The following PDE4B variants were observed in gnomAD, a reference collection of about 807,000 sequenced individuals.
PDE4B encodes phosphodiesterase 4B, also known as 3',5'-cyclic-AMP phosphodiesterase 4B.
In PDE4B, 20 loss-of-function variants were observed where a neutral mutation model predicts 82.2. The observed-to-expected ratio is 0.24, with a 90% CI of 0.17 to 0.35. PDE4B has a LOEUF of 0.35. PDE4B is among the 10% of genes least tolerant of loss of function. PDE4B has a pLI of 1.00. For missense variants in PDE4B, 655 were observed against 907.2 expected, an observed-to-expected ratio of 0.72 and a Z score of 3.57; for synonymous variants, 320 against 318.9, an observed-to-expected ratio of 1.00 and a Z score of -0.04.
At chr1:66,364,306 T>C (rs978280600) in intron 12 of PDE4B, among the ~76,000 whole-genome samples, 1 of 152,308 alleles carries the variant, frequency 6.6e-6, no homozygotes, top group Admixed American at 6.5e-5. Context: ...ACTAAAAATC[T>C]AGAACAGAAG....
chr1:66,066,802 T>C (rs1180947100), intron 3 of PDE4B, among the ~76,000 whole-genome samples: 1 of 151,992 alleles, frequency 6.6e-6, no homozygotes, highest in African/African-American at 2.4e-5. Flanking sequence ...GGTTTAAATA[T>C]GAATCTTGGC....
At chr1:65,818,672 T>TCACACA (rs529094917) in intron 1 of PDE4B, among the ~76,000 whole-genome samples, 1 of 86,878 alleles carries the variant, frequency 1.2e-5, no homozygotes, top group African/African-American at 3.7e-5. Context: ...ACATATATAT[T>TCACACA]CACACACACA....
At chr1:66,060,955 A>G (rs1655554658) in intron 3 of PDE4B, among the ~76,000 whole-genome samples, 1 of 151,938 alleles carries the variant, frequency 6.6e-6, no homozygotes, top group Non-Finnish European at 1.5e-5. Flanking sequence ...ATATAAGAAA[A>G]TGATTAGAAT....
intron 7 of PDE4B, among the ~76,000 whole-genome samples, chr1:66,283,042 C>T (rs971749030): frequency 1.3e-5 from 2 of 152,128 alleles, no homozygotes; most frequent in Non-Finnish European, 2.9e-5. Context: ...AGCAAACATT[C>T]ATTGAGTGCT....
intron 3 of PDE4B, among the ~76,000 whole-genome samples, chr1:66,021,662 T>C (rs551334574): frequency 8.0e-4 from 122 of 152,342 alleles, no homozygotes; most frequent in African/African-American, 2.8e-3. Context: ...TTCTGTTCCA[T>C]TGATCTATAT....
chr1:65,822,263 T>G (rs944911354), intron 1 of PDE4B, among the ~76,000 whole-genome samples: 3 of 152,194 alleles, frequency 2.0e-5, no homozygotes, highest in Non-Finnish European at 2.9e-5. Flanking sequence ...TGACTATAGC[T>G]CAATTAATTA....
intron 8 of PDE4B, among the ~76,000 whole-genome samples, chr1:66,343,071 C>CAA (rs138734413): frequency 8.1e-5 from 12 of 147,496 alleles, no homozygotes; most frequent in Middle Eastern, 3.4e-3. Flanking sequence ...AAAACAACAA[C>CAA]AAAAAAAAAC....
intron 1 of PDE4B, among the ~76,000 whole-genome samples, chr1:65,874,015 C>G (rs1646606781): frequency 6.6e-6 from 1 of 151,118 alleles, no homozygotes. Context: ...GGCAGTATGG[C>G]CATTTTCACG....
chr1:66,278,105 G>A (rs988748817), intron 7 of PDE4B, among the ~76,000 whole-genome samples: 2 of 152,156 alleles, frequency 1.3e-5, no homozygotes, highest in Non-Finnish European at 2.9e-5. Context: ...ACACTAGACT[G>A]TATGCTTAGT....
At chr1:66,075,952 C>A (rs1339679073) in intron 3 of PDE4B, among the ~76,000 whole-genome samples, 1 of 151,722 alleles carries the variant, frequency 6.6e-6, no homozygotes, top group African/African-American at 2.4e-5. Flanking sequence ...ATGGGCCAAG[C>A]AAAACAAGTC....
intron 3 of PDE4B, among the ~76,000 whole-genome samples, chr1:66,162,824 C>T (rs558604864): frequency 6.6e-5 from 10 of 152,094 alleles, no homozygotes; most frequent in South Asian, 4.2e-4. Flanking sequence ...TGGTGCTGGA[C>T]GTTTGATAAA....
At chr1:66,366,283 C>T (rs553852358) in intron 13 of PDE4B, among the ~76,000 whole-genome samples, 111 of 152,256 alleles carry the variant, frequency 7.3e-4, no homozygotes, top group African/African-American at 2.6e-3. Context: ...ACATTTTCTT[C>T]CAACTGCATA....
chr1:66,209,624 C>A (rs143908015), intron 3 of PDE4B, among the ~76,000 whole-genome samples: 1 of 152,282 alleles, frequency 6.6e-6, no homozygotes, highest in East Asian at 1.9e-4. Context: ...GCTACCACCC[C>A]CACTCAAATT....
chr1:65,821,174 T>A (rs1570973270), intron 1 of PDE4B, among the ~76,000 whole-genome samples: 2 of 152,342 alleles, frequency 1.3e-5, no homozygotes, highest in Non-Finnish European at 2.9e-5. Context: ...TCAGGCACAG[T>A]GGAATGCAGC....
intron 1 of PDE4B, among the ~76,000 whole-genome samples, chr1:65,842,113 T>C (rs1020233324): frequency 6.6e-6 from 1 of 152,156 alleles, no homozygotes; most frequent in African/African-American, 2.4e-5. Flanking sequence ...TTAAGCGAAA[T>C]AGATCATTTC....
intron 3 of PDE4B, among the ~76,000 whole-genome samples, chr1:66,152,806 G>A (rs1290038835): frequency 1.3e-5 from 2 of 151,892 alleles, no homozygotes; most frequent in Non-Finnish European, 1.5e-5. Context: ...AATAGGTTAG[G>A]CTAGCAGACT....
chr1:65,953,911 C>A (rs938308319), intron 3 of PDE4B, among the ~76,000 whole-genome samples: 1 of 151,742 alleles, frequency 6.6e-6, no homozygotes, highest in African/African-American at 2.4e-5. Flanking sequence ...TTATTATTTT[C>A]TGTTTAAGAT....
intron 4 of PDE4B, among the ~76,000 whole-genome samples, chr1:66,250,782 A>T (rs1570557431): frequency 6.6e-6 from 1 of 152,220 alleles, no homozygotes; most frequent in African/African-American, 2.4e-5. Context: ...CTGTGGCAGG[A>T]ACCACCATGG....
Position 66,247,553 on chromosome 1 carries a change from T to C in PDE4B, c.375T>C (p.Pro125=), listed in dbSNP as rs1653417661. The C allele has an allele frequency of 1.2e-6, 2 of 1,612,840 alleles. No homozygotes were observed. Among genetic ancestry groups the C allele is most frequent in the East Asian group, 4.5e-5 (2 of 44,748 alleles). The change falls in exon 4 of 17, where the codon CCT becomes CCC. Residue 125 remains proline (P), a synonymous_variant. Coordinates refer to ENST00000341517, the MANE Select transcript of PDE4B (RefSeq NM_002600.4). ...SAGLVLHATF[P]GHSQRRESFL... ...GGCTGGTACTTCACGCCACCTTTCC[T>C]GGGCACAGCCAGCGCAGAGAGTCAT...
Sources: allele counts gnomAD v4.1 joint callset (sites outside exome capture counted in the v4.1 genomes callset), GRCh38; gene constraint gnomAD v4.1.1; transcripts MANE v1.5; gene names NCBI Gene and HGNC (gene_info 2026-07-23, HGNC 2026-07-21).